The following COL6A5 variants were observed in gnomAD, a reference collection of about 807,000 sequenced individuals.
COL6A5 encodes collagen alpha-5(VI) chain.
In COL6A5, 48 loss-of-function variants were observed where a neutral mutation model predicts 65.6. The ratio of observed to expected loss-of-function variants is 0.73; its 90% CI spans 0.58 to 0.93. The LOEUF is 0.93. Ranked by LOEUF, COL6A5 falls within the 40% of genes least tolerant of loss-of-function variation. The probability of loss-of-function intolerance (pLI) is 0.00; values close to 1 mark genes in which losing one functional copy is unlikely to be tolerated. For missense variants in COL6A5, 914 were observed against 928.3 expected, an observed-to-expected ratio of 0.98 and a Z score of 0.20; for synonymous variants, 291 against 322.8, an observed-to-expected ratio of 0.90 and a Z score of 1.05.
In COL6A5 at chr3:130,421,148, C is replaced by T; in HGVS notation, c.4951-5C>T. ...AAATTGAAAAAAACTGGTGTGTTTACACAGGGAGATTCTGGCATCCCAGGC... is the reference window on the plus strand; with the variant it reads ...AAATTGAAAAAAACTGGTGTGTTTATACAGGGAGATTCTGGCATCCCAGGC... On this transcript the variant is annotated splice_region_variant and splice_polypyrimidine_tract_variant and intron_variant and NMD_transcript_variant, in intron 25 of 41. Coordinates refer to the COL6A5 transcript ENST00000312481. 1 of 1,550,188 alleles carries T rather than the reference C, an allele frequency of 6.5e-7. No individual in the cohort carries two copies. The highest frequency in any genetic ancestry group is 8.7e-7 in the Non-Finnish European group (1 of 1,146,022).
At chr3:130,439,072 C>G (rs781764387) in intron 1 of COL6A5, among the ~76,000 whole-genome samples, 6 of 152,078 alleles carry the variant, frequency 3.9e-5, no homozygotes, top group Non-Finnish European at 5.9e-5. Flanking sequence ...TCACTACCCA[C>G]GGAGGCCAAA....
Position 130,470,860 on chromosome 3 carries a change from T to A in COL6A5, c.2232-11T>A. The A allele has an allele frequency of 6.2e-7, 1 of 1,600,842 alleles. No homozygotes were observed. The highest frequency in any genetic ancestry group is 8.6e-7 in the Non-Finnish European group (1 of 1,169,544). On this transcript the variant is annotated splice_polypyrimidine_tract_variant and intron_variant, in intron 6 of 7. Transcript: ENST00000512836. ...GTAAAATTTAGACTAACCAGCCCAC[T>A]CTCTCTCCAGGTGCCATCAACAAAT...
intron 1 of COL6A5, among the ~76,000 whole-genome samples, chr3:130,355,545 G>T (rs985600756): frequency 1.3e-5 from 2 of 151,670 alleles, no homozygotes; most frequent in Admixed American, 6.6e-5. Context: ...ATTAGAGAGA[G>T]ATATATACAC....
At chr3:130,370,717 A>G (rs1382731207) in intron 1 of COL6A5, among the ~76,000 whole-genome samples, 1 of 152,214 alleles carries the variant, frequency 6.6e-6, no homozygotes, top group Non-Finnish European at 1.5e-5. Flanking sequence ...ATGTTGGGGC[A>G]GGTAAGGGAA....
chr3:130,357,026 T>C (rs1363878136), intron 1 of COL6A5, among the ~76,000 whole-genome samples: 1 of 152,000 alleles, frequency 6.6e-6, no homozygotes, highest in East Asian at 1.9e-4. Flanking sequence ...CCAAAAGAAT[T>C]GATTAGTAAA....
At chr3:130,382,869 G>T (rs180904189) in intron 4 of COL6A5, among the ~76,000 whole-genome samples, 30 of 152,176 alleles carry the variant, frequency 2.0e-4, no homozygotes, top group Admixed American at 1.6e-3. Context: ...GTAAAAATGA[G>T]AGCTATCAAT....
intron 24 of COL6A5, among the ~76,000 whole-genome samples, chr3:130,417,300 T>C (rs1188424020): frequency 6.6e-6 from 1 of 152,108 alleles, no homozygotes; most frequent in African/African-American, 2.4e-5. Context: ...TTCTTATGGA[T>C]TTCAAATACC....
intron 7 of COL6A5, chr3:130,477,273 C>A: frequency 1.9e-6 from 1 of 524,928 alleles, no homozygotes. Context: ...TAGTATTATC[C>A]CTATTTGAAT....
At chr3:130,461,422 A>G (rs1709698739) in intron 5 of COL6A5, among the ~76,000 whole-genome samples, 1 of 152,146 alleles carries the variant, frequency 6.6e-6, no homozygotes, top group Non-Finnish European at 1.5e-5. Flanking sequence ...TAAGCACTTT[A>G]TAGACATTAT....
chr3:130,391,208 G>C, exon 7 of COL6A5: 1 of 1,551,392 alleles, frequency 6.4e-7, no homozygotes, highest in East Asian at 2.4e-5. Flanking sequence ...ACTAGACGTT[G>C]TGTTTGTGCT....
At chr3:130,398,253 C>T in intron 10 of COL6A5, 142 bp downstream of exon 10, 1 of 629,550 alleles carries the variant, frequency 1.6e-6, no homozygotes, top group Non-Finnish European at 2.7e-6. Context: ...GCCTCAACCT[C>T]CTGAGTAGCT....
At chr3:130,436,939 T>C (rs913901372) in intron 1 of COL6A5, among the ~76,000 whole-genome samples, 4 of 152,160 alleles carry the variant, frequency 2.6e-5, no homozygotes, top group Admixed American at 6.6e-5. Context: ...CCTTGAACTC[T>C]AGATTCATAC....
upstream of COL6A5, among the ~76,000 whole-genome samples, chr3:130,429,758 G>A (rs1937716828): frequency 6.6e-6 from 1 of 152,162 alleles, no homozygotes; most frequent in Non-Finnish European, 1.5e-5. Context: ...ACCTGTTTAT[G>A]AAATGGTGAC....
intron 3 of COL6A5, among the ~76,000 whole-genome samples, chr3:130,377,238 G>A (rs1935820168): frequency 6.6e-6 from 1 of 152,136 alleles, no homozygotes; most frequent in Non-Finnish European, 1.5e-5. Context: ...GAAACAGGTA[G>A]CACATGAGGG....
At chr3:130,361,318 A>T (rs1416146566) in intron 1 of COL6A5, among the ~76,000 whole-genome samples, 1 of 152,060 alleles carries the variant, frequency 6.6e-6, no homozygotes, top group African/African-American at 2.4e-5. Flanking sequence ...CCAGAATGTC[A>T]TACAGTTGTA....
chr3:130,442,666 T>C (rs536215153), intron 3 of COL6A5, among the ~76,000 whole-genome samples: 3 of 152,326 alleles, frequency 2.0e-5, no homozygotes, highest in African/African-American at 7.2e-5. Context: ...GCATGTTTGC[T>C]GTTCCCACAT....
chr3:130,454,867 A>C (rs182509417), intron 4 of COL6A5, among the ~76,000 whole-genome samples: 1 of 152,254 alleles, frequency 6.6e-6, no homozygotes, highest in East Asian at 1.9e-4. Context: ...AATGCTGGAC[A>C]TGGTGGCTCA....
chr3:130,423,993 T>A, intron 29 of COL6A5, 93 bp downstream of exon 29: 1 of 952,546 alleles, frequency 1.0e-6, no homozygotes, highest in Non-Finnish European at 1.6e-6. Context: ...GCACTGGATT[T>A]AAGTCCAGAT....
chr3:130,449,530 A>T (rs1183457903), intron 4 of COL6A5, among the ~76,000 whole-genome samples: 1 of 152,118 alleles, frequency 6.6e-6, no homozygotes, highest in African/African-American at 2.4e-5. Context: ...CCTTTCCAAC[A>T]CCTACTAGTC....
Sources: allele counts gnomAD v4.1 joint callset (sites outside exome capture counted in the v4.1 genomes callset), GRCh38; gene constraint gnomAD v4.1.1; transcripts MANE v1.5; gene names NCBI Gene and HGNC (gene_info 2026-07-23, HGNC 2026-07-21).